The following UBE2E2 variants were observed in gnomAD, a reference collection of about 807,000 sequenced individuals.
UBE2E2 encodes the protein ubiquitin conjugating enzyme E2 E2.
Under a neutral mutation model 24.7 loss-of-function variants are expected in UBE2E2, and 6 were observed. The observed-to-expected ratio is 0.24, with a 90% CI of 0.13 to 0.48. The LOEUF (loss-of-function observed/expected upper bound fraction) is 0.48, where lower values mean the gene tolerates loss of function less well. UBE2E2 is among the 20% of genes least tolerant of loss of function. The pLI, the probability that UBE2E2 is intolerant of heterozygous loss-of-function variation, is 0.99. For synonymous variants in UBE2E2, 104 were observed against 83.6 expected (o/e 1.24, Z -1.33); for missense variants, 169 against 245.0 (o/e 0.69, Z 2.07).
At chr3:23,342,106 G>A (rs748229518) in intron 3 of UBE2E2, among the ~76,000 whole-genome samples, 1 of 152,036 alleles carries the variant, frequency 6.6e-6, no homozygotes, top group Non-Finnish European at 1.5e-5. Flanking sequence ...AGGGAGGAAA[G>A]CTATTGACAG....
At chr3:23,276,436 G>T (rs928931647) in intron 3 of UBE2E2, among the ~76,000 whole-genome samples, 3 of 152,104 alleles carry the variant, frequency 2.0e-5, no homozygotes, top group African/African-American at 7.2e-5. Context: ...ATTTACGTTA[G>T]CATAGAACTC....
intron 3 of UBE2E2, among the ~76,000 whole-genome samples, chr3:23,259,324 GT>G (rs769056344): frequency 6.6e-6 from 1 of 152,122 alleles, no homozygotes; most frequent in Non-Finnish European, 1.5e-5. Flanking sequence ...TTATATTTAA[GT>G]TATCTTTTGG....
At chr3:23,236,005 T>C (rs957263125) in intron 3 of UBE2E2, among the ~76,000 whole-genome samples, 2 of 152,058 alleles carry the variant, frequency 1.3e-5, no homozygotes, top group African/African-American at 2.4e-5. Flanking sequence ...TGAATTTGTG[T>C]GTGGAAAGAA....
rs73823446 is a variant in UBE2E2, at chr3:23,293,272, C to T, written c.227+75960C>T. Among the ~76,000 whole-genome samples, 771 of 152,280 alleles carry T rather than the reference C, an allele frequency of 5.1e-3. 8 individuals carry two copies. The highest frequency in any genetic ancestry group is 0.018 in the African/African-American group (738 of 41,540). On this transcript the variant is annotated intron_variant, in intron 3 of 5. Transcript: ENST00000396703. ...TCTGTTTCAGTCTTTCTGTGTTTGGCGAACTTCCCAGGTGATTCTTACATT... is the reference window on the plus strand; with the variant it reads ...TCTGTTTCAGTCTTTCTGTGTTTGGTGAACTTCCCAGGTGATTCTTACATT...
chr3:23,283,414 C>T (rs370400372), intron 3 of UBE2E2, among the ~76,000 whole-genome samples: 30 of 152,210 alleles, frequency 2.0e-4, no homozygotes, highest in African/African-American at 6.5e-4. Flanking sequence ...ATATCATACA[C>T]GTATGCAAGC....
At chr3:23,552,710 C>A (rs1226368423) in intron 5 of UBE2E2, among the ~76,000 whole-genome samples, 2 of 152,146 alleles carry the variant, frequency 1.3e-5, no homozygotes, top group African/African-American at 4.8e-5. Flanking sequence ...TGTGGCATTT[C>A]TGTTAGCTGA....
chr3:23,343,660 C>T (rs1366993065), intron 3 of UBE2E2, among the ~76,000 whole-genome samples: 1 of 152,182 alleles, frequency 6.6e-6, no homozygotes, highest in African/African-American at 2.4e-5. Context: ...CAAGTGAACA[C>T]ATCTGTGTAA....
chr3:23,540,560 A>G (rs1447184871), intron 5 of UBE2E2, among the ~76,000 whole-genome samples: 2 of 152,024 alleles, frequency 1.3e-5, no homozygotes, highest in African/African-American at 4.8e-5. Context: ...GCGCACCACC[A>G]CGCCCAGCTA....
intron 3 of UBE2E2, among the ~76,000 whole-genome samples, chr3:23,439,834 A>G (rs1229046898): frequency 6.6e-6 from 1 of 152,136 alleles, no homozygotes; most frequent in Non-Finnish European, 1.5e-5. Flanking sequence ...AGTGCTGTCC[A>G]TTATTAGCCC....
intron 3 of UBE2E2, among the ~76,000 whole-genome samples, chr3:23,367,731 G>A (rs545200586): frequency 7.9e-5 from 12 of 152,222 alleles, no homozygotes; most frequent in African/African-American, 2.4e-4. Flanking sequence ...GTGGGCAGAC[G>A]TTCTGGAGAC....
At chr3:23,455,581 A>T (rs1575641508) in intron 3 of UBE2E2, among the ~76,000 whole-genome samples, 2 of 152,078 alleles carry the variant, frequency 1.3e-5, no homozygotes, top group African/African-American at 4.8e-5. Flanking sequence ...CTAATTTTTT[A>T]AGTTTTCAGC....
intron 3 of UBE2E2, among the ~76,000 whole-genome samples, chr3:23,406,697 G>T (rs562678311): frequency 1.3e-5 from 2 of 152,308 alleles, no homozygotes; most frequent in South Asian, 4.1e-4. Context: ...TCTTAACCTT[G>T]TGTTCTGTGA....
intron 3 of UBE2E2, among the ~76,000 whole-genome samples, chr3:23,316,187 C>G (rs1224253140): frequency 1.3e-5 from 2 of 152,140 alleles, no homozygotes; most frequent in East Asian, 3.9e-4. Flanking sequence ...GCAAAACCAA[C>G]CAGGCTTCAG....
chr3:23,343,570 TA>T (rs1204515108), intron 3 of UBE2E2, among the ~76,000 whole-genome samples: 1 of 152,002 alleles, frequency 6.6e-6, no homozygotes, highest in African/African-American at 2.4e-5. Context: ...AGACTCCATC[TA>T]AAAAAAGAAA....
chr3:23,458,882 A>C (rs1012595585), intron 3 of UBE2E2, among the ~76,000 whole-genome samples: 13 of 152,208 alleles, frequency 8.5e-5, no homozygotes, highest in African/African-American at 3.1e-4. Flanking sequence ...GAAAAACAAA[A>C]AAATGCAATA....
intron 3 of UBE2E2, among the ~76,000 whole-genome samples, chr3:23,364,409 CAAAT>C (rs1696203403): frequency 6.6e-6 from 1 of 151,786 alleles, no homozygotes; most frequent in Admixed American, 6.6e-5. Flanking sequence ...ACAGAAGATC[CAAAT>C]AAACAGAATC....
At chr3:23,582,386 TTA>T (rs1239439113) in intron 5 of UBE2E2, among the ~76,000 whole-genome samples, 1 of 152,196 alleles carries the variant, frequency 6.6e-6, no homozygotes, top group Non-Finnish European at 1.5e-5. Flanking sequence ...ACATGTTTCT[TTA>T]TGATAGAAAT....
intron 3 of UBE2E2, among the ~76,000 whole-genome samples, chr3:23,258,817 CG>C (rs1697812632): frequency 7.1e-6 from 1 of 141,256 alleles, no homozygotes; most frequent in African/African-American, 2.6e-5. Context: ...GGCGTGAACC[CG>C]GGAGGCGGAG....
intron 3 of UBE2E2, among the ~76,000 whole-genome samples, chr3:23,325,104 G>A (rs1417051137): frequency 6.6e-6 from 1 of 152,110 alleles, no homozygotes; most frequent in African/African-American, 2.4e-5. Context: ...GTACCATCAG[G>A]AAACTTTAGC....
Sources: allele counts gnomAD v4.1 joint callset (sites outside exome capture counted in the v4.1 genomes callset), GRCh38; gene constraint gnomAD v4.1.1; transcripts MANE v1.5; gene names NCBI Gene and HGNC (gene_info 2026-07-23, HGNC 2026-07-21).